DCAF5: variants seen among roughly 807,000 people sequenced by gnomAD.
DCAF5 encodes the protein DDB1- and CUL4-associated factor 5.
In DCAF5, 9 loss-of-function variants were observed where a neutral mutation model predicts 80.7. The ratio of observed to expected loss-of-function variants is 0.11; its 90% confidence interval spans 0.07 to 0.19. The LOEUF (loss-of-function observed/expected upper bound fraction) is 0.19. Ranked by LOEUF, DCAF5 falls within the 10% of genes least tolerant of loss-of-function variation. The probability of loss-of-function intolerance (pLI) is 1.00; values close to 1 mark genes in which losing one functional copy is unlikely to be tolerated. For synonymous variants in DCAF5, 433 were observed against 461.9 expected, an observed-to-expected ratio of 0.94 and a Z score of 0.80; for missense variants, 842 against 1,205.7, an observed-to-expected ratio of 0.70 and a Z score of 4.47.
chr14:69,092,037 G>C, intron 5 of DCAF5, 150 bp from the exon 6 acceptor site: 2 of 638,558 alleles, frequency 3.1e-6, no homozygotes. Flanking sequence ...AATGAGGGTA[G>C]CAACGCTTCC....
intron 1 of DCAF5, among the ~76,000 whole-genome samples, chr14:69,125,031 T>C (rs1338100143): frequency 2.6e-5 from 4 of 152,214 alleles, no homozygotes; most frequent in African/African-American, 9.6e-5. Context: ...TTCTACCTCA[T>C]TGGTTTTATA....
At chr14:69,068,700 A>AAT (rs1301281141) in intron 7 of DCAF5, among the ~76,000 whole-genome samples, 1 of 147,242 alleles carries the variant, frequency 6.8e-6, no homozygotes, top group African/African-American at 2.5e-5. Context: ...CTCCATCTCA[A>AAT]AAAAAAAAAA....
At position 69,128,678 on chromosome 14, in the gene DCAF5, GAA is replaced by G. The variant is rs1274501730; in HGVS notation, c.215-6320_215-6319del. ...AGCTACTGGGGAGGATGAGGCAGGAGAATCACTTGAACCCTGGAGGCGGAGGT... is the reference window on the plus strand; with the variant it reads ...AGCTACTGGGGAGGATGAGGCAGGAGTCACTTGAACCCTGGAGGCGGAGGT... On this transcript the variant is annotated intron_variant, in intron 1 of 8. Transcript: ENST00000341516. Among the ~76,000 whole-genome samples the G allele has an allele frequency of 2.2e-3, 332 of 152,268 alleles. 3 individuals carry two copies. The highest frequency in any genetic ancestry group is 7.5e-3 in the African/African-American group (310 of 41,554).
At chr14:69,108,720 G>C (rs532135222) in intron 5 of DCAF5, among the ~76,000 whole-genome samples, 1 of 152,284 alleles carries the variant, frequency 6.6e-6, no homozygotes, top group East Asian at 1.9e-4. Context: ...ACTTGCATGA[G>C]TACTGTAAAC....
At chr14:69,084,720 T>C (rs1594967351) in intron 6 of DCAF5, 1 of 1,281,460 alleles carries the variant, frequency 7.8e-7, no homozygotes, top group African/African-American at 1.5e-5. Context: ...CTGAACTACA[T>C]TGATTTGCCC....
At position 69,055,414 on chromosome 14, in the gene DCAF5, G is replaced by C; in HGVS notation, c.1272C>G (p.Arg424=). The change falls in exon 9 of 9, where the codon CGC becomes CGG. Residue 424 remains arginine (R), a synonymous_variant. Transcript: ENST00000341516. The surrounding 1 kb of genome is among the most constrained non-coding windows in gnomAD (Gnocchi z 5.6). ...RMMAFFDSLV[R]REIEGWSSDS... is the part of the protein sequence containing the mutation. ...CAGAGCTCCAGCCCTCGATCTCTCGGCGTACCAGTGAGTCAAAGAAGGCCA... is the reference window on the plus strand; with the variant it reads ...CAGAGCTCCAGCCCTCGATCTCTCGCCGTACCAGTGAGTCAAAGAAGGCCA... 3 of 1,614,136 alleles carry C rather than the reference G, an allele frequency of 1.9e-6. No homozygotes were observed. Among genetic ancestry groups the C allele is most frequent in the Non-Finnish European group, 2.5e-6 (3 of 1,180,030 alleles).
At chr14:69,132,439 A>G (rs1449623612) in intron 1 of DCAF5, among the ~76,000 whole-genome samples, 1 of 152,186 alleles carries the variant, frequency 6.6e-6, no homozygotes, top group Admixed American at 6.5e-5. Flanking sequence ...TTCTACAAAC[A>G]GTTTGAGTTA....
At chr14:69,102,715 C>T (rs921118540) in intron 5 of DCAF5, among the ~76,000 whole-genome samples, 3 of 151,840 alleles carry the variant, frequency 2.0e-5, no homozygotes, top group African/African-American at 7.3e-5. Context: ...CGATAATACA[C>T]GTGGAACTAT....
At chr14:69,069,597 T>TTTTCTTTCTGTTCTC (rs1441590845) in intron 7 of DCAF5, among the ~76,000 whole-genome samples, 1 of 152,004 alleles carries the variant, frequency 6.6e-6, no homozygotes, top group Non-Finnish European at 1.5e-5. Flanking sequence ...CCATGCCCAG[T>TTTTCTTTCTGTTCTC]TTTCTTTCTG....
intron 1 of DCAF5, among the ~76,000 whole-genome samples, chr14:69,138,565 T>C (rs1280167739): frequency 6.6e-6 from 1 of 152,204 alleles, no homozygotes; most frequent in Non-Finnish European, 1.5e-5. Context: ...CAAGTCCTTT[T>C]TAAATGCAGA....
chr14:69,098,727 CAAAAAAAAA>C (rs35501979), intron 5 of DCAF5, among the ~76,000 whole-genome samples: 1 of 92,524 alleles, frequency 1.1e-5, no homozygotes, highest in Non-Finnish European at 2.0e-5. Context: ...ACTAAAAATA[CAAAAAAAAA>C]AAAAAAAAAA....
intron 5 of DCAF5, among the ~76,000 whole-genome samples, chr14:69,102,242 G>A (rs2039977775): frequency 1.3e-5 from 2 of 151,254 alleles, no homozygotes; most frequent in Non-Finnish European, 2.9e-5. Flanking sequence ...CTGAGCAGCT[G>A]GGATTACAGG....
At chr14:69,115,598 T>C (rs940532974) in intron 5 of DCAF5, among the ~76,000 whole-genome samples, 1 of 152,174 alleles carries the variant, frequency 6.6e-6, no homozygotes, top group South Asian at 2.1e-4. Flanking sequence ...GCCAACTTTA[T>C]GTACAGGTGC....
At chr14:69,125,561 A>G (rs1256537585) in intron 1 of DCAF5, among the ~76,000 whole-genome samples, 1 of 152,268 alleles carries the variant, frequency 6.6e-6, no homozygotes, top group African/African-American at 2.4e-5. Flanking sequence ...AATGTACGTT[A>G]TAATTTAGAC....
intron 5 of DCAF5, among the ~76,000 whole-genome samples, chr14:69,105,943 A>ATATATATATATCTATCTATC (rs1223858774): frequency 4.0e-5 from 3 of 74,172 alleles, no homozygotes; most frequent in African/African-American, 1.1e-4. Flanking sequence ...ATATATATAT[A>ATATATATATATCTATCTATC]TATCTCCTAT....
intron 1 of DCAF5, among the ~76,000 whole-genome samples, chr14:69,150,809 T>C (rs990645495): frequency 1.3e-5 from 2 of 152,084 alleles, no homozygotes; most frequent in African/African-American, 4.8e-5. Flanking sequence ...GGAGGTTAGC[T>C]TGAGCCTGGG....
chr14:69,141,139 T>TA (rs11396838), intron 1 of DCAF5, among the ~76,000 whole-genome samples: 14,948 of 59,346 alleles, frequency 0.25, 2,821 homozygotes, highest in Non-Finnish European at 0.39. Context: ...ATCTCAAATT[T>TA]AAAAAAAAAA....
intron 1 of DCAF5, among the ~76,000 whole-genome samples, chr14:69,136,113 C>CTTTTTTTTTT (rs35359938): frequency 8.0e-6 from 1 of 125,316 alleles, no homozygotes. Flanking sequence ...ATGTGTAAAA[C>CTTTTTTTTTT]TTTTTTTTTT....
At chr14:69,141,498 C>T (rs913728714) in intron 1 of DCAF5, among the ~76,000 whole-genome samples, 1 of 152,162 alleles carries the variant, frequency 6.6e-6, no homozygotes, top group South Asian at 2.1e-4. Context: ...TGCTATCCCT[C>T]CCCTGTCCTG....
Sources: gnomAD v4.1 joint callset for allele counts (sites outside exome capture counted in the v4.1 genomes callset) on GRCh38, gnomAD v4.1.1 for gene constraint, Gnocchi (gnomAD v3.1) non-coding constraint, MANE v1.5 for transcripts, NCBI Gene and HGNC (gene_info 2026-07-23, HGNC 2026-07-21) for gene names.